The following ARHGEF26 variants were observed in gnomAD, a reference collection of about 807,000 sequenced individuals.
The protein encoded by ARHGEF26 is Rho guanine nucleotide exchange factor 26, also known as Rho guanine nucleotide exchange factor (GEF) 26.
A neutral mutation model predicts 89.4 loss-of-function variants in ARHGEF26; 59 were observed. That is an observed-to-expected ratio of 0.66 (90% CI 0.54 to 0.82). The LOEUF (loss-of-function observed/expected upper bound fraction) is 0.82, where lower values mean the gene tolerates loss of function less well. Ranked by LOEUF, ARHGEF26 falls within the 40% of genes least tolerant of loss-of-function variation. The pLI, the probability that ARHGEF26 is intolerant of heterozygous loss-of-function variation, is 0.00. For synonymous variants in ARHGEF26, 500 were observed against 428.4 expected (o/e 1.17, Z -2.06); for missense variants, 1,234 against 1,085.6 (o/e 1.14, Z -1.92).
intron 4 of ARHGEF26, among the ~76,000 whole-genome samples, chr3:154,143,352 T>C (rs893719411): frequency 5.3e-5 from 8 of 152,206 alleles, no homozygotes; most frequent in African/African-American, 1.9e-4. Context: ...AAATATCTTT[T>C]CATGTTATTA....
Position 154,256,818 on chromosome 3 carries a change from A to AGAG in ARHGEF26, c.*1346_*1348dup. ...CTAAAAGCCTTAACTTGCTGTATTCAGAGTCCCTCTTAACTGTGAGTTTCT... is the reference window on the plus strand; with the variant it reads ...CTAAAAGCCTTAACTTGCTGTATTCAGAGGAGTCCCTCTTAACTGTGAGTTTCT... On this transcript the variant is annotated 3_prime_UTR_variant, in exon 15 of 15. Coordinates refer to ENST00000465093, the MANE Select transcript of ARHGEF26 (RefSeq NM_015595.4). The AGAG allele has an allele frequency of 1.3e-6, 2 of 1,519,890 alleles. No individual in the cohort carries two copies. The highest frequency in any genetic ancestry group is 8.8e-7 in the Non-Finnish European group (1 of 1,141,842). The allele number at this position is 1,519,890 out of a possible 1,614,324, so 94.2% of individuals were successfully genotyped here.
At chr3:154,161,097 G>GGGTGT (rs1374302431) in intron 6 of ARHGEF26, among the ~76,000 whole-genome samples, 92 of 21,118 alleles carry the variant, frequency 4.4e-3, no homozygotes, top group East Asian at 0.05. Flanking sequence ...CTGGTAGCCA[G>GGGTGT]GTTTGTGTGT....
At chr3:154,207,014 G>T (rs1443610112) in intron 9 of ARHGEF26, among the ~76,000 whole-genome samples, 2 of 152,092 alleles carry the variant, frequency 1.3e-5, no homozygotes, top group Non-Finnish European at 2.9e-5. Context: ...TGTGGAGAAA[G>T]GATTTCCTAT....
intron 9 of ARHGEF26, among the ~76,000 whole-genome samples, chr3:154,203,262 GT>G (rs1714773952): frequency 2.0e-5 from 3 of 152,042 alleles, no homozygotes; most frequent in African/African-American, 7.2e-5. Flanking sequence ...AAATCATATG[GT>G]TTTTGTCTTT....
At chr3:154,230,516 A>T (rs866128257) in intron 11 of ARHGEF26, among the ~76,000 whole-genome samples, 1 of 152,214 alleles carries the variant, frequency 6.6e-6, no homozygotes, top group Non-Finnish European at 1.5e-5. Context: ...TTGGAGAAAC[A>T]TCTTTTCCAA....
At chr3:154,186,829 A>G in intron 6 of ARHGEF26, among the ~76,000 whole-genome samples, 1 of 151,068 alleles carries the variant, frequency 6.6e-6, no homozygotes. Context: ...CAGATTTAAA[A>G]TAATGTGATT....
chr3:154,233,704 G>T (rs559328182), intron 11 of ARHGEF26, among the ~76,000 whole-genome samples: 2 of 152,352 alleles, frequency 1.3e-5, no homozygotes, highest in African/African-American at 4.8e-5. Context: ...CAGTTGCTCA[G>T]TGTCACTAGA....
At chr3:154,214,815 C>G (rs778888909) in intron 9 of ARHGEF26, among the ~76,000 whole-genome samples, 4 of 152,066 alleles carry the variant, frequency 2.6e-5, no homozygotes, top group Admixed American at 2.0e-4. Flanking sequence ...TCAGGTTGCT[C>G]CTGTCTCACA....
intron 11 of ARHGEF26, among the ~76,000 whole-genome samples, chr3:154,230,783 T>C (rs1716781516): frequency 6.6e-6 from 1 of 152,192 alleles, no homozygotes; most frequent in African/African-American, 2.4e-5. Flanking sequence ...ATAAAAAGGT[T>C]TTCAAAATTT....
intron 9 of ARHGEF26, among the ~76,000 whole-genome samples, chr3:154,204,100 T>C (rs1002784784): frequency 3.9e-5 from 6 of 152,076 alleles, no homozygotes; most frequent in Admixed American, 1.3e-4. Context: ...TTTAGTAGAA[T>C]TCAGCAGTGA....
intron 6 of ARHGEF26, among the ~76,000 whole-genome samples, chr3:154,168,357 G>GAGACCAGC (rs1246108475): frequency 6.6e-5 from 10 of 152,076 alleles, no homozygotes; most frequent in Non-Finnish European, 1.3e-4. Flanking sequence ...TGGGTGGATT[G>GAGACCAGC]CTTGAGCTTT....
Position 154,122,524 on chromosome 3 carries a change from C to T in ARHGEF26, c.532C>T (p.Leu178Phe), listed in dbSNP as rs1471382428. 3.7e-6 allele frequency: 6 copies of T among 1,613,474 alleles called. No individual in the cohort carries two copies. The highest frequency in any genetic ancestry group is 5.1e-6 in the Non-Finnish European group (6 of 1,179,882). ...GGTGCCTTCGCCCACTGCAAATGGC[C>T]TTGCCGCTAATAACGACTCTCCTGG... ...SPVPSPTANG[L>F]AANNDSPGSG... The change falls in exon 2 of 15, where the codon CTT (leucine) becomes TTT (phenylalanine). Residue 178 changes from leucine to phenylalanine, a missense_variant. Coordinates refer to ENST00000465093, the MANE Select transcript of ARHGEF26 (RefSeq NM_015595.4).
At chr3:154,121,852 G>GC in intron 1 of ARHGEF26, 90 bp from the exon 2 acceptor site, 1 of 1,188,958 alleles carries the variant, frequency 8.4e-7, no homozygotes, top group Non-Finnish European at 1.2e-6. Context: ...CTGCGCAGCA[G>GC]CAGGGGGACC....
chr3:154,250,390 G>C (rs949733236), intron 12 of ARHGEF26, among the ~76,000 whole-genome samples: 3 of 151,560 alleles, frequency 2.0e-5, no homozygotes, highest in Non-Finnish European at 4.4e-5. Context: ...TAAGAGGGGG[G>C]GGTGGGACTC....
At chr3:154,228,713 C>T (rs568958567) in intron 11 of ARHGEF26, among the ~76,000 whole-genome samples, 4 of 135,460 alleles carry the variant, frequency 3.0e-5, no homozygotes, top group Admixed American at 7.9e-5. Flanking sequence ...TATGCCTGAC[C>T]GTATTTACAT....
intron 9 of ARHGEF26, among the ~76,000 whole-genome samples, chr3:154,211,779 TGGTC>T (rs1265211618): frequency 6.6e-6 from 1 of 152,176 alleles, no homozygotes; most frequent in Admixed American, 6.5e-5. Flanking sequence ...CAAGCTGTAT[TGGTC>T]AGTGCAGAAA....
intron 10 of ARHGEF26, among the ~76,000 whole-genome samples, chr3:154,224,750 G>A (rs996513845): frequency 2.0e-5 from 3 of 152,058 alleles, no homozygotes; most frequent in Admixed American, 6.5e-5. Context: ...AAAAGTTTGG[G>A]GTTAGCCATA....
chr3:154,167,138 T>C (rs1484442143), intron 6 of ARHGEF26, among the ~76,000 whole-genome samples: 2 of 152,234 alleles, frequency 1.3e-5, no homozygotes, highest in African/African-American at 4.8e-5. Context: ...TTATGGACTT[T>C]ATTGTGAAAA....
chr3:154,180,994 T>C (rs1713148532), intron 6 of ARHGEF26, among the ~76,000 whole-genome samples: 2 of 152,182 alleles, frequency 1.3e-5, no homozygotes, highest in South Asian at 4.1e-4. Flanking sequence ...GTGCAAACTC[T>C]GCATGTAGGC....
Sources: gnomAD v4.1 joint callset for allele counts (sites outside exome capture counted in the v4.1 genomes callset) on GRCh38, gnomAD v4.1.1 for gene constraint, MANE v1.5 for transcripts, NCBI Gene and HGNC (gene_info 2026-07-23, HGNC 2026-07-21) for gene names.